Variants in ASIC2 observed in about 807,000 individuals in gnomAD.
ASIC2 encodes acid-sensing ion channel 2.
Under a neutral mutation model 57.3 loss-of-function variants are expected in ASIC2, and 25 were observed. The observed-to-expected ratio is 0.44, with a 90% CI of 0.32 to 0.61. The LOEUF (loss-of-function observed/expected upper bound fraction) is 0.61. ASIC2 is among the 20% of genes least tolerant of loss of function. ASIC2 has a pLI of 0.06. For missense variants in ASIC2, 641 were observed against 738.1 expected, an observed-to-expected ratio of 0.87 and a Z score of 1.52; for synonymous variants, 319 against 307.5, an observed-to-expected ratio of 1.04 and a Z score of -0.39.
At chr17:33,329,260 T>C (rs1011655794) in intron 1 of ASIC2, among the ~76,000 whole-genome samples, 4 of 152,156 alleles carry the variant, frequency 2.6e-5, no homozygotes, top group African/African-American at 4.8e-5. Context: ...AGGGTTCACT[T>C]TGAAGGATAT....
chr17:33,116,513 T>C (rs1254119912), intron 1 of ASIC2, among the ~76,000 whole-genome samples: 1 of 152,206 alleles, frequency 6.6e-6, no homozygotes, highest in Admixed American at 6.5e-5. Flanking sequence ...AGGCCCACTG[T>C]GGATGGCAGG....
At chr17:33,801,104 T>C (rs1912120268) in intron 1 of ASIC2, among the ~76,000 whole-genome samples, 1 of 152,152 alleles carries the variant, frequency 6.6e-6, no homozygotes, top group Admixed American at 6.5e-5. Flanking sequence ...TCAGAAAGCT[T>C]TGGTGTCCAT....
intron 1 of ASIC2, among the ~76,000 whole-genome samples, chr17:34,135,868 C>G (rs1253294678): frequency 6.6e-6 from 1 of 152,136 alleles, no homozygotes; most frequent in Non-Finnish European, 1.5e-5. Flanking sequence ...AACCAGGATG[C>G]TGCCAATCAT....
intron 1 of ASIC2, among the ~76,000 whole-genome samples, chr17:33,431,446 A>C (rs899494077): frequency 1.3e-5 from 2 of 151,416 alleles, no homozygotes; most frequent in Admixed American, 6.6e-5. Flanking sequence ...TCTACTAAAA[A>C]TACAAAAATT....
chr17:33,865,661 G>A (rs1056260601), intron 1 of ASIC2, among the ~76,000 whole-genome samples: 58 of 150,538 alleles, frequency 3.9e-4, no homozygotes, highest in African/African-American at 1.3e-3. Flanking sequence ...TGACACATTA[G>A]TGGGTGCAGT....
intron 1 of ASIC2, among the ~76,000 whole-genome samples, chr17:34,129,075 G>A (rs529887434): frequency 1.3e-5 from 2 of 152,046 alleles, no homozygotes; most frequent in African/African-American, 4.8e-5. Flanking sequence ...CCCTACCCTC[G>A]AGAGCACGGG....
chr17:33,178,012 G>T (rs1597617480), intron 1 of ASIC2, among the ~76,000 whole-genome samples: 2 of 152,124 alleles, frequency 1.3e-5, no homozygotes, highest in African/African-American at 4.8e-5. Context: ...AAACACACAT[G>T]CTTGTGTTCT....
chr17:33,854,709 G>T (rs1467181756), intron 1 of ASIC2, among the ~76,000 whole-genome samples: 1 of 152,128 alleles, frequency 6.6e-6, no homozygotes, highest in African/African-American at 2.4e-5. Flanking sequence ...CCTGTGGATT[G>T]CCTTAATGAT....
At chr17:33,066,672 C>A (rs1009631707) in intron 3 of ASIC2, among the ~76,000 whole-genome samples, 1 of 152,126 alleles carries the variant, frequency 6.6e-6, no homozygotes, top group Non-Finnish European at 1.5e-5. Flanking sequence ...GCCACACAAC[C>A]ATGTTAATCC....
chr17:34,067,864 T>G (rs1289813839), intron 1 of ASIC2, among the ~76,000 whole-genome samples: 2 of 152,212 alleles, frequency 1.3e-5, no homozygotes, highest in African/African-American at 2.4e-5. Context: ...CAATATGGTA[T>G]AGCAATATAT....
At chr17:33,676,761 C>A (rs567341656) in intron 1 of ASIC2, among the ~76,000 whole-genome samples, 7 of 152,216 alleles carry the variant, frequency 4.6e-5, no homozygotes, top group Non-Finnish European at 8.8e-5. Flanking sequence ...GAAAATCTAG[C>A]TAAGATAATT....
intron 1 of ASIC2, among the ~76,000 whole-genome samples, chr17:33,114,095 T>C (rs1207203080): frequency 6.6e-6 from 1 of 152,188 alleles, no homozygotes; most frequent in Non-Finnish European, 1.5e-5. Context: ...GTGAAACATC[T>C]ATGTTTTTCC....
At chr17:33,880,280 A>T (rs55868148) in intron 1 of ASIC2, among the ~76,000 whole-genome samples, 1,784 of 152,322 alleles carry the variant, frequency 0.012, 15 homozygotes, top group Middle Eastern at 0.02. Flanking sequence ...GGAAATAGAG[A>T]CACAAAAAAC....
At position 33,292,266 on chromosome 17, in the gene ASIC2, G is replaced by T. The variant is rs1335192829; in HGVS notation, c.-151C>A. ...CGCCCGAAAGGAGCTCCGGTGGCGC[G>T]GCATGCCCGCCCGGCGCCGCCGCTG... On this transcript the variant is annotated 5_prime_UTR_variant, in exon 1 of 10. Coordinates refer to ENST00000225823, the MANE Select transcript of ASIC2 (RefSeq NM_183377.2). The T allele has an allele frequency of 6.0e-6, 6 of 991,928 alleles. No individual in the cohort carries two copies. The highest frequency in any genetic ancestry group is 7.2e-6 in the Non-Finnish European group (6 of 835,840). The allele number at this position is 991,928 out of a possible 1,614,324, so 61.4% of individuals were successfully genotyped here. A position where few individuals can be genotyped will look rare whatever the true frequency, so the allele number is the denominator to read the frequency against.
chr17:33,520,764 G>GT (rs1409421239), intron 1 of ASIC2, among the ~76,000 whole-genome samples: 1 of 152,226 alleles, frequency 6.6e-6, no homozygotes, highest in Non-Finnish European at 1.5e-5. Context: ...GGCCTCACCT[G>GT]TGTTCCTGTC....
At chr17:33,042,831 G>C (rs1431406164) in intron 3 of ASIC2, among the ~76,000 whole-genome samples, 1 of 152,188 alleles carries the variant, frequency 6.6e-6, no homozygotes, top group Non-Finnish European at 1.5e-5. Flanking sequence ...TTTGAGATAG[G>C]GATATGAGTT....
At chr17:33,319,097 G>A (rs1167834700) in intron 1 of ASIC2, among the ~76,000 whole-genome samples, 2 of 152,176 alleles carry the variant, frequency 1.3e-5, no homozygotes, top group Admixed American at 1.3e-4. Flanking sequence ...AGGTGTGGTG[G>A]CACATGCCTG....
chr17:33,136,395 A>G (rs1399859318), intron 1 of ASIC2, among the ~76,000 whole-genome samples: 5 of 152,230 alleles, frequency 3.3e-5, no homozygotes, highest in African/African-American at 1.2e-4. Context: ...AGAATGTTAT[A>G]TGAACACAGG....
chr17:33,917,555 C>T (rs1253013962), intron 1 of ASIC2, among the ~76,000 whole-genome samples: 3 of 152,152 alleles, frequency 2.0e-5, no homozygotes, highest in Non-Finnish European at 2.9e-5. Context: ...GCTTTCCTTG[C>T]AATAACCTAC....
Sources: gnomAD v4.1 joint callset for allele counts (sites outside exome capture counted in the v4.1 genomes callset) on GRCh38, gnomAD v4.1.1 for gene constraint, MANE v1.5 for transcripts, NCBI Gene and HGNC (gene_info 2026-07-23, HGNC 2026-07-21) for gene names.